SEMA6A: variants seen among roughly 807,000 people sequenced by gnomAD.
SEMA6A encodes the protein semaphorin-6A.
SEMA6A carries 25 observed loss-of-function variants against 96.8 expected under a neutral mutation model. That is an observed-to-expected ratio of 0.26 (90% CI 0.19 to 0.36). SEMA6A has a LOEUF of 0.36. SEMA6A is among the 10% of genes least tolerant of loss of function. The probability of loss-of-function intolerance (pLI) is 1.00; values close to 1 mark genes in which losing one functional copy is unlikely to be tolerated. For synonymous variants in SEMA6A, 612 were observed against 518.0 expected, an observed-to-expected ratio of 1.18 and a Z score of -2.46; for missense variants, 1,363 against 1,323.1, an observed-to-expected ratio of 1.03 and a Z score of -0.47.
intron 2 of SEMA6A, among the ~76,000 whole-genome samples, 175 bp downstream of exon 2, chr5:116,504,670 G>A (rs558325117): frequency 6.6e-6 from 1 of 152,342 alleles, no homozygotes; most frequent in African/African-American, 2.4e-5. Flanking sequence ...ATCTGATGGA[G>A]TTATAGAAAA....
Position 116,503,743 on chromosome 5 carries a change from C to T in SEMA6A, c.100+1102G>A, listed in dbSNP as rs990593990. Among the ~76,000 whole-genome samples, 7 of 152,246 alleles carry T rather than the reference C, an allele frequency of 4.6e-5. No individual in the cohort carries two copies. In the East Asian group the frequency reaches 1.2e-3, roughly 25 times the overall value. ...TGTTGGCCAGGATGGTCTCCATCCT[C>T]TGACCTCATGATCCGCCCACCTCGG... On this transcript the variant is annotated intron_variant, in intron 2 of 18. Coordinates refer to ENST00000343348, the MANE Select transcript of SEMA6A (RefSeq NM_020796.5).
At chr5:116,499,675 A>G (rs10519473) in intron 3 of SEMA6A, among the ~76,000 whole-genome samples, 10,661 of 152,282 alleles carry the variant, frequency 0.07, 378 homozygotes, top group Middle Eastern at 0.088. Flanking sequence ...AAACATGTCA[A>G]TGCTACAGTG....
chr5:116,456,354 T>C (rs748272976), intron 18 of SEMA6A, among the ~76,000 whole-genome samples: 13 of 152,168 alleles, frequency 8.5e-5, no homozygotes, highest in Non-Finnish European at 4.4e-5. Context: ...TGTCCTGAAA[T>C]AACATAAATA....
chr5:116,478,458 AGTCG>A (rs1324559558), intron 13 of SEMA6A, 80 bp downstream of exon 13: 51 of 1,352,908 alleles, frequency 3.8e-5, no homozygotes, highest in Non-Finnish European at 4.5e-5. Context: ...ATAAAACCTC[AGTCG>A]GTCATGATTT....
intron 1 of SEMA6A, among the ~76,000 whole-genome samples, chr5:116,511,384 G>A (rs988341710): frequency 6.6e-5 from 10 of 152,112 alleles, no homozygotes; most frequent in Non-Finnish European, 1.3e-4. Flanking sequence ...TGGAACCCAC[G>A]GATAGAGAGG....
At chr5:116,472,210 C>T (rs1756186836) in intron 17 of SEMA6A, 2 of 152,114 alleles carry the variant, frequency 1.3e-5, no homozygotes, top group African/African-American at 4.8e-5. Context: ...ATAAAGAGTT[C>T]AGAATATTCT....
Position 116,446,767 on chromosome 5 carries a change from G to A in SEMA6A, c.2939C>T (p.Ala980Val). ...QVHSSQPSGQ[A>V]VTVSRQPSLN... ...GCTGGGCTGCCTCGAGACAGTCACGGCCTGGCCAGATGGCTGGGAGCTGTG... is the reference window on the plus strand; with the variant it reads ...GCTGGGCTGCCTCGAGACAGTCACGACCTGGCCAGATGGCTGGGAGCTGTG... Residue 980 changes from alanine to valine, a missense_variant, in exon 19 of 19, where the codon GCC becomes GTC. Ala to Val is a moderately conservative substitution (Grantham distance 64, BLOSUM62 0). Transcript: ENST00000343348. 1 of 1,610,850 alleles carries A rather than the reference G, an allele frequency of 6.2e-7. No individual in the cohort carries two copies. The highest frequency in any genetic ancestry group is 8.5e-7 in the Non-Finnish European group (1 of 1,178,424).
intron 1 of SEMA6A, among the ~76,000 whole-genome samples, chr5:116,564,695 A>G (rs776963623): frequency 6.7e-6 from 1 of 149,726 alleles, no homozygotes; most frequent in East Asian, 2.0e-4. Context: ...AATCAACTCT[A>G]AAGTCACAAA....
rs1437294924 is a variant in SEMA6A, at chr5:116,504,900, A to G, written c.45T>C (p.Phe15=). The change falls in exon 2 of 19, where the codon TTT becomes TTC. Residue 15 remains phenylalanine, a synonymous_variant. Coordinates refer to ENST00000343348, the MANE Select transcript of SEMA6A (RefSeq NM_020796.5). ...AATCTTCTGGGAAACCAGCCCCAGC[A>G]AAGTGTAGCAGTGTGAAATATAGCA... The part of the protein sequence containing the change: ...ALLLYFTLLH[F]AGAGFPEDSE... 6.2e-7 allele frequency: 1 copy of G among 1,604,398 alleles called. No homozygotes were observed. Among genetic ancestry groups the G allele is most frequent in the Admixed American group, 1.7e-5 (1 of 59,012 alleles).
intron 1 of SEMA6A, among the ~76,000 whole-genome samples, chr5:116,557,528 CTTAT>C (rs1033485586): frequency 9.2e-5 from 14 of 152,204 alleles, no homozygotes; most frequent in African/African-American, 2.7e-4. Flanking sequence ...TTCTTATAGC[CTTAT>C]TTAGAGAGAG....
intron 17 of SEMA6A, chr5:116,472,739 G>A (rs1328237256): frequency 1.3e-5 from 8 of 600,496 alleles, no homozygotes; most frequent in Admixed American, 3.7e-5. Context: ...TTTGAAGGAC[G>A]GTGAAATTAA....
intron 9 of SEMA6A, 22 bp downstream of exon 9, chr5:116,488,086 C>G: frequency 6.7e-7 from 1 of 1,491,234 alleles, no homozygotes; most frequent in South Asian, 1.2e-5. Context: ...CAAACTGAGC[C>G]AAGGACAGCA....
chr5:116,514,238 C>T (rs930497848), intron 1 of SEMA6A, among the ~76,000 whole-genome samples: 5 of 152,196 alleles, frequency 3.3e-5, no homozygotes, highest in African/African-American at 1.2e-4. Context: ...AACTAATTTA[C>T]ACTCCCACCA....
intron 1 of SEMA6A, among the ~76,000 whole-genome samples, chr5:116,551,317 T>TACACACACACACACACACAC (rs66523615): frequency 1.4e-4 from 20 of 142,526 alleles, no homozygotes; most frequent in Non-Finnish European, 2.4e-4. Context: ...AGTCTTAGCA[T>TACACACACACACACACACAC]ACACACACAC....
rs1011186831 is a variant in SEMA6A at position 116,478,279 on chromosome 5, C to T, written c.1428-125G>A. 3 of 1,147,556 alleles carry T rather than the reference C, an allele frequency of 2.6e-6. No individual in the cohort carries two copies. The Admixed American group carries it at 7.2e-5, about 28-fold the overall frequency. The allele number at this position is 1,147,556 out of a possible 1,614,324, so 71.1% of individuals were successfully genotyped here. On this transcript the variant is annotated intron_variant, in intron 13 of 18. Transcript: ENST00000343348. ...TCTAACTGGCGGTGAAACAAACAAACCCTTCTGCTCTTGCACACACGTAAA... is the reference window on the plus strand; with the variant it reads ...TCTAACTGGCGGTGAAACAAACAAATCCTTCTGCTCTTGCACACACGTAAA...
At chr5:116,472,367 A>G (rs755282532) in intron 17 of SEMA6A, 3 of 152,314 alleles carry the variant, frequency 2.0e-5, no homozygotes, top group Admixed American at 2.0e-4. Context: ...ACATATCTAA[A>G]TATTCATACT....
intron 1 of SEMA6A, among the ~76,000 whole-genome samples, chr5:116,521,935 G>C (rs966127947): frequency 6.6e-6 from 1 of 152,136 alleles, no homozygotes; most frequent in Non-Finnish European, 1.5e-5. Flanking sequence ...GCTTGTTTAG[G>C]CAACATTGTG....
intron 17 of SEMA6A, 163 bp downstream of exon 17, chr5:116,472,910 A>G: frequency 6.6e-7 from 1 of 1,520,794 alleles, no homozygotes; most frequent in East Asian, 2.4e-5. Flanking sequence ...AAGACATTTC[A>G]TTATCTGGTA....
chr5:116,528,346 C>A (rs7736072), intron 1 of SEMA6A, among the ~76,000 whole-genome samples: 74 of 152,072 alleles, frequency 4.9e-4, no homozygotes, highest in Admixed American at 4.8e-3. Flanking sequence ...TACAATCCCA[C>A]AGACCCCAGT....
Sources: gnomAD v4.1 joint callset for allele counts (sites outside exome capture counted in the v4.1 genomes callset) on GRCh38, gnomAD v4.1.1 for gene constraint, MANE v1.5 for transcripts, NCBI Gene and HGNC (gene_info 2026-07-23, HGNC 2026-07-21) for gene names.